CNTNAP2: variants seen among roughly 807,000 people sequenced by gnomAD.
CNTNAP2 encodes contactin associated protein 2, also known as contactin-associated protein-like 2.
CNTNAP2 carries 98 observed loss-of-function variants against 155.2 expected under a neutral mutation model. That is an observed-to-expected ratio of 0.63 (90% confidence interval 0.54 to 0.75). CNTNAP2 has a LOEUF of 0.75. Ranked by LOEUF, CNTNAP2 falls within the 30% of genes least tolerant of loss-of-function variation. The pLI, the probability that CNTNAP2 is intolerant of heterozygous loss-of-function variation, is 0.00. For missense variants in CNTNAP2, 1,727 were observed against 1,688.1 expected, an observed-to-expected ratio of 1.02 and a Z score of -0.40; for synonymous variants, 651 against 631.2, an observed-to-expected ratio of 1.03 and a Z score of -0.47.
chr7:146,137,422 A>G (rs1178807906), intron 1 of CNTNAP2, among the ~76,000 whole-genome samples: 1 of 152,274 alleles, frequency 6.6e-6, no homozygotes, highest in South Asian at 2.1e-4. Flanking sequence ...GCAAGGTGGA[A>G]TATTTGCTTC....
chr7:146,199,903 T>C (rs1171376323), intron 1 of CNTNAP2, among the ~76,000 whole-genome samples: 1 of 152,170 alleles, frequency 6.6e-6, no homozygotes, highest in Non-Finnish European at 1.5e-5. Flanking sequence ...ACAGTCTTTC[T>C]CCCTTGCCCC....
At chr7:147,775,234 TATATATATTTATATATATATTTATAA>T (rs1337327458) in intron 13 of CNTNAP2, among the ~76,000 whole-genome samples, 34 of 123,038 alleles carry the variant, frequency 2.8e-4, no homozygotes, top group African/African-American at 9.6e-4. Flanking sequence ...AAGAAATATA[TATATATATTTATATATATATTTATAA>T]ATATATTTAT....
chr7:148,132,144 G>C (rs1362593134), intron 16 of CNTNAP2, among the ~76,000 whole-genome samples: 4 of 151,970 alleles, frequency 2.6e-5, no homozygotes, highest in African/African-American at 9.7e-5. Flanking sequence ...AAAGCAACAA[G>C]AAATAAAAAC....
chr7:148,010,705 G>A (rs1245304346), intron 15 of CNTNAP2, among the ~76,000 whole-genome samples: 2 of 150,878 alleles, frequency 1.3e-5, no homozygotes, highest in Admixed American at 6.6e-5. Context: ...GTCAATTTAG[G>A]TTCACAGCAA....
chr7:147,263,377 T>TAAA (rs11377306), intron 8 of CNTNAP2, among the ~76,000 whole-genome samples: 3 of 148,440 alleles, frequency 2.0e-5, no homozygotes. Context: ...AAATAAAAAT[T>TAAA]AAAAAAAAAA....
intron 18 of CNTNAP2, among the ~76,000 whole-genome samples, chr7:148,184,211 G>A (rs1374464458): frequency 6.6e-6 from 1 of 152,130 alleles, no homozygotes; most frequent in Non-Finnish European, 1.5e-5. Flanking sequence ...AGGCAGGATT[G>A]CTTGAGCCCA....
rs142963439 is a variant in CNTNAP2, at chr7:147,418,108, G to A, written c.1670+22328G>A. 2.4e-4 allele frequency among the ~76,000 whole-genome samples: 37 copies of A among 152,262 alleles called. No individual in the cohort carries two copies. In the East Asian group the frequency reaches 4.8e-3, roughly 20 times the overall value. On this transcript the variant is annotated intron_variant, in intron 10 of 23. Transcript: ENST00000361727. ...GCCAATACCCACTGTTTTACAAAGC[G>A]ATGGAAAGCATAGTTCTATGGTACT...
chr7:147,619,924 G>T (rs578211265), intron 12 of CNTNAP2, among the ~76,000 whole-genome samples: 1 of 152,318 alleles, frequency 6.6e-6, no homozygotes, highest in Non-Finnish European at 1.5e-5. Flanking sequence ...AATCCTAGTG[G>T]TGGTGGCCAA....
At chr7:146,281,776 C>T (rs1800255789) in intron 1 of CNTNAP2, among the ~76,000 whole-genome samples, 1 of 150,516 alleles carries the variant, frequency 6.6e-6, no homozygotes, top group Admixed American at 6.6e-5. Flanking sequence ...GCCTGGCAAC[C>T]AAGTGAGATT....
At chr7:148,378,218 G>A (rs189793519) in intron 21 of CNTNAP2, among the ~76,000 whole-genome samples, 735 of 68,000 alleles carry the variant, frequency 0.011, 244 homozygotes, top group African/African-American at 0.025. Context: ...CACAGTTGCG[G>A]GCCTCTGGCC....
chr7:147,524,385 C>T (rs1371604386), intron 11 of CNTNAP2, among the ~76,000 whole-genome samples: 1 of 152,124 alleles, frequency 6.6e-6, no homozygotes, highest in Non-Finnish European at 1.5e-5. Context: ...AGTGAAACTC[C>T]ATCTCAACAA....
intron 1 of CNTNAP2, among the ~76,000 whole-genome samples, chr7:146,422,398 T>C (rs1469700187): frequency 6.6e-6 from 1 of 150,450 alleles, no homozygotes; most frequent in Non-Finnish European, 1.5e-5. Context: ...CATAATTCTG[T>C]GTGTGGTCTT....
intron 13 of CNTNAP2, among the ~76,000 whole-genome samples, chr7:147,834,414 C>A (rs1798602549): frequency 6.6e-6 from 1 of 152,126 alleles, no homozygotes; most frequent in African/African-American, 2.4e-5. Flanking sequence ...GTGTTGGGGT[C>A]TATGGAGGAA....
rs575429286 is a variant in CNTNAP2, at chr7:146,505,650, G to A, written c.98-268621G>A. On this transcript the variant is annotated intron_variant, in intron 1 of 23. Coordinates refer to ENST00000361727, the MANE Select transcript of CNTNAP2 (RefSeq NM_014141.6). Reference sequence around the variant, plus strand: ...CATACTATAGGCTCTCCCTGCAAGGGACTATGATAGCCAACCATACGTCAT... The same window carrying A: ...CATACTATAGGCTCTCCCTGCAAGGAACTATGATAGCCAACCATACGTCAT... Among the ~76,000 whole-genome samples, 4 of 152,350 alleles carry A rather than the reference G, an allele frequency of 2.6e-5. No individual in the cohort carries two copies. The South Asian group carries it at 8.3e-4, about 32-fold the overall frequency.
chr7:147,584,431 T>C (rs1284376237), intron 12 of CNTNAP2, among the ~76,000 whole-genome samples: 8 of 152,216 alleles, frequency 5.3e-5, no homozygotes, highest in Admixed American at 5.2e-4. Flanking sequence ...AGGATCATTT[T>C]AGAAAGTCAT....
intron 1 of CNTNAP2, among the ~76,000 whole-genome samples, chr7:146,704,151 C>A (rs1800923684): frequency 6.6e-6 from 1 of 152,044 alleles, no homozygotes; most frequent in African/African-American, 2.4e-5. Context: ...GGAGAGACAA[C>A]CTTTTTTGCA....
chr7:147,441,031 A>G (rs1797627272), intron 10 of CNTNAP2, among the ~76,000 whole-genome samples: 1 of 151,692 alleles, frequency 6.6e-6, no homozygotes, highest in African/African-American at 2.4e-5. Context: ...TTTTTCTTTT[A>G]TTGTGTCTTT....
chr7:147,687,876 G>A (rs1796036237), intron 13 of CNTNAP2, among the ~76,000 whole-genome samples: 1 of 151,940 alleles, frequency 6.6e-6, no homozygotes, highest in South Asian at 2.1e-4. Context: ...CATAAAATCT[G>A]TACACAAACA....
At chr7:146,137,851 T>G (rs936768398) in intron 1 of CNTNAP2, among the ~76,000 whole-genome samples, 1 of 151,890 alleles carries the variant, frequency 6.6e-6, no homozygotes, top group African/African-American at 2.4e-5. Context: ...GTTTTTATTT[T>G]AAAAATAAAC....
Sources: allele counts gnomAD v4.1 joint callset (sites outside exome capture counted in the v4.1 genomes callset), GRCh38; gene constraint gnomAD v4.1.1; transcripts MANE v1.5; gene names NCBI Gene and HGNC (gene_info 2026-07-23, HGNC 2026-07-21).